Variants in CAST observed in about 807,000 individuals in gnomAD.
The protein encoded by CAST is calpastatin.
CAST carries 76 observed loss-of-function variants against 119.6 expected under a neutral mutation model. The observed-to-expected ratio is 0.64, with a 90% CI of 0.53 to 0.77. CAST has a LOEUF of 0.77. Among genes scored for constraint, CAST ranks in the 30% least tolerant of loss-of-function variants. The pLI, the probability that CAST is intolerant of heterozygous loss-of-function variation, is 0.00. For missense variants in CAST, 953 were observed against 946.5 expected (o/e 1.01, Z -0.09); for synonymous variants, 319 against 331.6 (o/e 0.96, Z 0.41).
the CAST span, among the ~76,000 whole-genome samples, chr5:96,476,150 T>C: frequency 0.072 from 10,928 of 152,254 alleles, 870 homozygotes; most frequent in East Asian, 0.42. Flanking sequence ...TTTTCCCTGC[T>C]AGCAGGGACC....
chr5:96,667,045 TA>T (rs1749434501), intron 1 of CAST, among the ~76,000 whole-genome samples: 1 of 152,096 alleles, frequency 6.6e-6, no homozygotes, highest in South Asian at 2.1e-4. Context: ...ACAGCCACCA[TA>T]AAGGCGGGGG....
the CAST span, chr5:96,423,603 A>G: frequency 3.0e-4 from 226 of 765,958 alleles, no homozygotes; most frequent in Non-Finnish European, 4.9e-4. Flanking sequence ...GTGAAATGAG[A>G]AAACAAAGTT....
At chr5:96,308,935 C>T in the CAST span, 1 of 152,520 alleles carries the variant, frequency 6.6e-6, no homozygotes, top group Non-Finnish European at 1.5e-5. Flanking sequence ...ACACGGGGGT[C>T]AGGGACCCAC....
the CAST span, among the ~76,000 whole-genome samples, chr5:96,022,992 C>T: frequency 6.6e-6 from 1 of 152,128 alleles, no homozygotes; most frequent in Non-Finnish European, 1.5e-5. Context: ...TAGTGTTTGA[C>T]TAAATAACCG....
chr5:96,347,854 G>A, the CAST span, among the ~76,000 whole-genome samples: 7 of 152,260 alleles, frequency 4.6e-5, no homozygotes, highest in Admixed American at 2.0e-4. Context: ...GCCACTAACC[G>A]TGTCTACTAT....
chr5:96,296,490 A>G, the CAST span, among the ~76,000 whole-genome samples: 1 of 152,182 alleles, frequency 6.6e-6, no homozygotes, highest in African/African-American at 2.4e-5. Context: ...TTGTTTTATA[A>G]TTCTTTGCAA....
At chr5:96,360,917 T>A in the CAST span, among the ~76,000 whole-genome samples, 2 of 152,202 alleles carry the variant, frequency 1.3e-5, no homozygotes, top group East Asian at 1.9e-4. Context: ...TTAAGTCTGC[T>A]GAAACTGCAC....
the CAST span, among the ~76,000 whole-genome samples, chr5:96,287,134 T>G: frequency 9.3e-5 from 14 of 150,866 alleles, 1 homozygote; most frequent in African/African-American, 2.7e-4. Flanking sequence ...AATTGTGTGT[T>G]TGTGTACCTG....
chr5:96,696,211 G>A (rs970434233), intron 3 of CAST: 4 of 174,080 alleles, frequency 2.3e-5, no homozygotes, highest in Admixed American at 1.2e-4. Flanking sequence ...GAGTAAAAAC[G>A]TAGTGCTCCC....
At chr5:96,024,365 A>G in the CAST span, among the ~76,000 whole-genome samples, 2 of 152,218 alleles carry the variant, frequency 1.3e-5, no homozygotes, top group African/African-American at 4.8e-5. Flanking sequence ...GCACTTGAAA[A>G]TCACGGAACA....
the CAST span, among the ~76,000 whole-genome samples, chr5:96,128,131 G>A: frequency 6.6e-6 from 1 of 152,064 alleles, no homozygotes; most frequent in Admixed American, 6.6e-5. Context: ...TTCTCATCTG[G>A]ATAACTTCTC....
At chr5:96,738,315 C>T (rs1762045967) in intron 11 of CAST, among the ~76,000 whole-genome samples, 1 of 151,862 alleles carries the variant, frequency 6.6e-6, no homozygotes, top group African/African-American at 2.4e-5. Flanking sequence ...GAGCGAGACT[C>T]CATCTCAAAA....
At chr5:96,288,410 A>G in the CAST span, among the ~76,000 whole-genome samples, 10 of 152,304 alleles carry the variant, frequency 6.6e-5, no homozygotes, top group South Asian at 4.1e-4. Flanking sequence ...TATGACTACC[A>G]CTTAAAAAAA....
chr5:96,729,262 A>G lies in CAST; in HGVS notation c.435+53A>G, dbSNP rs972648101. On this transcript the variant is annotated intron_variant, in intron 7 of 31. Transcript: ENST00000675179. ...ATAAGGCAACCTCTTTTGGTGGGAT[A>G]TAATTAAAATCTTTCATTAATTCAA... The G allele has an allele frequency of 1.0e-5, 10 of 976,908 alleles. No individual in the cohort carries two copies. The African/African-American group carries it at 1.3e-4, about 13-fold the overall frequency. The allele number at this position is 976,908 out of a possible 1,614,324, so 60.5% of individuals were successfully genotyped here. A position where few individuals can be genotyped will look rare whatever the true frequency, so the allele number is the denominator to read the frequency against.
the CAST span, among the ~76,000 whole-genome samples, chr5:96,443,861 C>T: frequency 6.6e-6 from 1 of 152,198 alleles, no homozygotes; most frequent in African/African-American, 2.4e-5. Flanking sequence ...TTAGTCTCAA[C>T]TACATGCATA....
chr5:96,494,883 C>T, the CAST span, among the ~76,000 whole-genome samples: 1 of 152,062 alleles, frequency 6.6e-6, no homozygotes, highest in Admixed American at 6.6e-5. Flanking sequence ...TTTGGGAGGG[C>T]AAGGCGGGCG....
chr5:96,081,939 A>G, the CAST span, among the ~76,000 whole-genome samples: 2 of 152,174 alleles, frequency 1.3e-5, no homozygotes, highest in Non-Finnish European at 2.9e-5. Context: ...TTTGAGGCAG[A>G]GTCTCGCTCT....
intron 2 of CAST, among the ~76,000 whole-genome samples, chr5:96,692,908 T>C (rs1189785637): frequency 6.6e-6 from 1 of 152,204 alleles, no homozygotes; most frequent in South Asian, 2.1e-4. Context: ...ACCAGGCTCA[T>C]AGTTTTCCCA....
the CAST span, among the ~76,000 whole-genome samples, chr5:96,442,783 C>G: frequency 1.3e-5 from 2 of 152,284 alleles, no homozygotes; most frequent in African/African-American, 4.8e-5. Flanking sequence ...TTGGCATTTA[C>G]CCTACCACTG....
Sources: allele counts gnomAD v4.1 joint callset (sites outside exome capture counted in the v4.1 genomes callset), GRCh38; gene constraint gnomAD v4.1.1; transcripts MANE v1.5; gene names NCBI Gene and HGNC (gene_info 2026-07-23, HGNC 2026-07-21).